Variants in EYA1 observed in about 807,000 individuals in gnomAD.
The protein encoded by EYA1 is EYA transcriptional coactivator and phosphatase 1, also known as protein phosphatase EYA1.
EYA1 carries 16 observed loss-of-function variants against 82.0 expected under a neutral mutation model. The observed-to-expected ratio is 0.20, with a 90% CI of 0.13 to 0.30. The LOEUF (loss-of-function observed/expected upper bound fraction) is 0.30, where lower values mean the gene tolerates loss of function less well. Ranked by LOEUF, EYA1 falls within the 10% of genes least tolerant of loss-of-function variation. The probability of loss-of-function intolerance (pLI) is 1.00; values close to 1 mark genes in which losing one functional copy is unlikely to be tolerated. For synonymous variants in EYA1, 261 were observed against 264.4 expected (o/e 0.99, Z 0.12); for missense variants, 633 against 730.7 (o/e 0.87, Z 1.54).
chr8:71,277,868 G>A (rs984587223), intron 9 of EYA1, among the ~76,000 whole-genome samples: 1 of 152,056 alleles, frequency 6.6e-6, no homozygotes, highest in Admixed American at 6.5e-5. Flanking sequence ...ATGAGAAATA[G>A]CTATCATTAA....
intron 2 of EYA1, among the ~76,000 whole-genome samples, chr8:71,387,892 A>T (rs2129106686): frequency 6.6e-6 from 1 of 152,258 alleles, no homozygotes; most frequent in Non-Finnish European, 1.5e-5. Context: ...TGTAATGAGC[A>T]GCACAGGGGC....
chr8:71,506,805 C>A (rs1812225591), intron 2 of EYA1, among the ~76,000 whole-genome samples: 1 of 151,676 alleles, frequency 6.6e-6, no homozygotes, highest in South Asian at 2.1e-4. Flanking sequence ...ATCCTAAAAA[C>A]AAATAAGAAA....
At chr8:71,528,222 C>G (rs1205160697) in intron 2 of EYA1, among the ~76,000 whole-genome samples, 1 of 152,150 alleles carries the variant, frequency 6.6e-6, no homozygotes, top group Non-Finnish European at 1.5e-5. Context: ...AAGCAATTTT[C>G]ATCTTTGTCA....
chr8:71,503,027 C>A (rs1055453020), intron 2 of EYA1, among the ~76,000 whole-genome samples: 1 of 152,140 alleles, frequency 6.6e-6, no homozygotes, highest in Non-Finnish European at 1.5e-5. Flanking sequence ...ACGTATGATA[C>A]TGAATTGTAG....
intron 2 of EYA1, among the ~76,000 whole-genome samples, chr8:71,520,729 A>G (rs1488852825): frequency 6.6e-6 from 1 of 152,190 alleles, no homozygotes; most frequent in African/African-American, 2.4e-5. Context: ...AACTTTTGCT[A>G]ATGCTATCTA....
intron 2 of EYA1, among the ~76,000 whole-genome samples, chr8:71,480,499 C>CTGAT (rs1311199571): frequency 1.3e-4 from 20 of 152,000 alleles, no homozygotes; most frequent in Non-Finnish European, 2.9e-4. Context: ...CAAAATTCCA[C>CTGAT]TGATTGGTCT....
intron 2 of EYA1, among the ~76,000 whole-genome samples, chr8:71,384,941 T>C (rs1223256685): frequency 6.6e-6 from 1 of 152,212 alleles, no homozygotes; most frequent in Non-Finnish European, 1.5e-5. Context: ...ATAATTTATA[T>C]GCAGGTACCA....
intron 2 of EYA1, among the ~76,000 whole-genome samples, chr8:71,447,742 T>C (rs959874187): frequency 1.3e-5 from 2 of 152,208 alleles, no homozygotes; most frequent in African/African-American, 2.4e-5. Flanking sequence ...AAAAGCATTA[T>C]GTCTAATAAT....
chr8:71,225,087 T>C, intron 12 of EYA1: 1 of 285,702 alleles, frequency 3.5e-6, no homozygotes, highest in Non-Finnish European at 7.2e-6. Context: ...ACCATGTTTT[T>C]ACTTGCGTGT....
At chr8:71,439,637 C>A (rs930677555) in intron 2 of EYA1, among the ~76,000 whole-genome samples, 1 of 152,294 alleles carries the variant, frequency 6.6e-6, no homozygotes, top group Non-Finnish European at 1.5e-5. Flanking sequence ...CTGGTGTTAG[C>A]GGCATGGAAA....
intron 1 of EYA1, among the ~76,000 whole-genome samples, chr8:71,540,216 C>T (rs1815038381): frequency 1.3e-5 from 2 of 152,146 alleles, no homozygotes; most frequent in South Asian, 4.1e-4. Flanking sequence ...CAAACAACCC[C>T]TACTCCTTAG....
At chr8:71,374,079 T>C (rs2129092473) in intron 2 of EYA1, among the ~76,000 whole-genome samples, 1 of 152,200 alleles carries the variant, frequency 6.6e-6, no homozygotes, top group Admixed American at 6.5e-5. Context: ...GTCTTGGTGA[T>C]GATTTTTTTG....
At chr8:71,462,312 C>T (rs536233250) in intron 2 of EYA1, among the ~76,000 whole-genome samples, 36 of 152,278 alleles carry the variant, frequency 2.4e-4, no homozygotes, top group African/African-American at 6.0e-4. Context: ...AGGGGACTGG[C>T]GTGCCAGTGC....
intron 12 of EYA1, among the ~76,000 whole-genome samples, chr8:71,224,137 CTG>C (rs968498249): frequency 6.6e-6 from 1 of 152,178 alleles, no homozygotes; most frequent in African/African-American, 2.4e-5. Flanking sequence ...TCTAGGAAGA[CTG>C]TGAGGCAGTT....
At chr8:71,230,183 A>G (rs1811028547) in intron 12 of EYA1, among the ~76,000 whole-genome samples, 1 of 152,192 alleles carries the variant, frequency 6.6e-6, no homozygotes, top group African/African-American at 2.4e-5. Flanking sequence ...AAAATAAAAA[A>G]AAAAGGTCTA....
Position 71,427,089 on chromosome 8 carries a change from C to T in EYA1, c.34-70578G>A, listed in dbSNP as rs539723613. 6.0e-4 allele frequency among the ~76,000 whole-genome samples: 91 copies of T among 152,306 alleles called. 1 individual carries two copies. Among genetic ancestry groups the T allele is most frequent in the Middle Eastern group, 6.8e-3 (2 of 294 alleles). Reference sequence around the variant, plus strand: ...TGGTCTGCTTTGAAGCACTGTCTTGCGGTTTTCCTCTTCCGTGTGACTGAT... The same window carrying T: ...TGGTCTGCTTTGAAGCACTGTCTTGTGGTTTTCCTCTTCCGTGTGACTGAT... On this transcript the variant is annotated intron_variant, in intron 2 of 18. Transcript: ENST00000643681.
intron 7 of EYA1, among the ~76,000 whole-genome samples, chr8:71,306,804 G>A (rs1443519771): frequency 1.3e-5 from 2 of 152,088 alleles, no homozygotes; most frequent in Non-Finnish European, 2.9e-5. Flanking sequence ...TTGATAGCAG[G>A]TAATTGACCT....
At chr8:71,447,370 T>TA (rs1191373309) in intron 2 of EYA1, among the ~76,000 whole-genome samples, 1 of 152,160 alleles carries the variant, frequency 6.6e-6, no homozygotes, top group Non-Finnish European at 1.5e-5. Context: ...CTTCTCCACG[T>TA]ATGCTCCAGG....
intron 2 of EYA1, among the ~76,000 whole-genome samples, chr8:71,445,595 A>G (rs911892649): frequency 9.9e-5 from 15 of 152,186 alleles, no homozygotes; most frequent in Non-Finnish European, 1.9e-4. Flanking sequence ...TCATATTGGG[A>G]CTTTGATTTG....
Sources: gnomAD v4.1 joint callset for allele counts (sites outside exome capture counted in the v4.1 genomes callset) on GRCh38, gnomAD v4.1.1 for gene constraint, MANE v1.5 for transcripts, NCBI Gene and HGNC (gene_info 2026-07-23, HGNC 2026-07-21) for gene names.